The following GRM7 variants were observed in gnomAD, a reference collection of about 807,000 sequenced individuals.
The protein encoded by GRM7 is metabotropic glutamate receptor 7.
GRM7 carries 35 observed loss-of-function variants against 84.5 expected under a neutral mutation model. That is an observed-to-expected ratio of 0.41 (90% confidence interval 0.32 to 0.55). GRM7 has a LOEUF of 0.55. Ranked by LOEUF, GRM7 falls within the 20% of genes least tolerant of loss-of-function variation. The pLI is 0.19. For synonymous variants in GRM7, 487 were observed against 455.1 expected (o/e 1.07, Z -0.89); for missense variants, 1,003 against 1,194.6 (o/e 0.84, Z 2.36).
At chr3:7,175,033 C>G (rs1056156456) in intron 2 of GRM7, among the ~76,000 whole-genome samples, 7 of 152,114 alleles carry the variant, frequency 4.6e-5, no homozygotes, top group Admixed American at 2.0e-4. Context: ...GATTAAGGAG[C>G]GAGATCAGGC....
chr3:7,622,060 C>T (rs17047737), intron 8 of GRM7, among the ~76,000 whole-genome samples: 3,115 of 152,202 alleles, frequency 0.02, 123 homozygotes, highest in African/African-American at 0.07. Flanking sequence ...TTGTCACGGG[C>T]TCAATTTTTC....
chr3:6,954,634 G>C (rs770418348), intron 1 of GRM7, among the ~76,000 whole-genome samples: 1 of 152,144 alleles, frequency 6.6e-6, no homozygotes, highest in African/African-American at 2.4e-5. Flanking sequence ...TACTAGCCCT[G>C]TGAGCTCCAA....
intron 1 of GRM7, among the ~76,000 whole-genome samples, chr3:7,114,244 T>TAA (rs1157230753): frequency 6.6e-6 from 1 of 152,200 alleles, no homozygotes; most frequent in Non-Finnish European, 1.5e-5. Context: ...TCAGGCTACT[T>TAA]AACATTGTAA....
At chr3:7,542,588 G>T (rs540402638) in intron 7 of GRM7, among the ~76,000 whole-genome samples, 2 of 139,224 alleles carry the variant, frequency 1.4e-5, no homozygotes, top group Non-Finnish European at 3.0e-5. Context: ...TCACTCTGTC[G>T]CCAGACTGGA....
chr3:7,732,059 TG>T (rs75008273), intron 9 of GRM7, among the ~76,000 whole-genome samples: 14,378 of 151,914 alleles, frequency 0.095, 1,070 homozygotes, highest in African/African-American at 0.21. Context: ...AGCTTTTTTT[TG>T]TTTGAGACAG....
At chr3:7,513,543 G>A (rs962405002) in intron 7 of GRM7, among the ~76,000 whole-genome samples, 26 of 152,034 alleles carry the variant, frequency 1.7e-4, no homozygotes, top group Non-Finnish European at 4.4e-5. Flanking sequence ...GTGTTTGATA[G>A]CACAATAGGA....
chr3:7,657,722 G>A (rs1286635417), intron 8 of GRM7, among the ~76,000 whole-genome samples: 1 of 152,148 alleles, frequency 6.6e-6, no homozygotes, highest in Non-Finnish European at 1.5e-5. Context: ...GTGGCTGGGA[G>A]GGGAGCAGAA....
At chr3:7,456,421 A>AT (rs2124898974) in intron 6 of GRM7, among the ~76,000 whole-genome samples, 1 of 149,734 alleles carries the variant, frequency 6.7e-6, no homozygotes, top group Non-Finnish European at 1.5e-5. Flanking sequence ...TTAAAACCTC[A>AT]TAATGGTTTA....
chr3:6,945,278 G>A (rs1260730087), intron 1 of GRM7, among the ~76,000 whole-genome samples: 1 of 129,192 alleles, frequency 7.7e-6, no homozygotes, highest in Non-Finnish European at 1.6e-5. Flanking sequence ...TGTTCTCATT[G>A]TTCAATTCCC....
chr3:7,033,767 G>A (rs910416054), intron 1 of GRM7, among the ~76,000 whole-genome samples: 14 of 152,184 alleles, frequency 9.2e-5, no homozygotes, highest in African/African-American at 7.2e-5. Flanking sequence ...TCAAAATCCC[G>A]CATCCTGGGA....
At chr3:6,919,922 A>G (rs1351677050) in intron 1 of GRM7, among the ~76,000 whole-genome samples, 1 of 152,148 alleles carries the variant, frequency 6.6e-6, no homozygotes, top group Non-Finnish European at 1.5e-5. Context: ...CTAGAGGTGA[A>G]GCTTAGTTTC....
At chr3:7,502,217 T>C (rs940217402) in intron 7 of GRM7, among the ~76,000 whole-genome samples, 3 of 151,926 alleles carry the variant, frequency 2.0e-5, no homozygotes, top group Admixed American at 6.6e-5. Flanking sequence ...CAATAAACAG[T>C]CAATAAGTCA....
Position 7,376,354 on chromosome 3 carries a change from C to T in GRM7, c.1034-38669C>T, listed in dbSNP as rs144443191. 5.0e-3 allele frequency among the ~76,000 whole-genome samples: 759 copies of T among 152,300 alleles called. 11 individuals are homozygous for T. The highest frequency in any genetic ancestry group is 0.018 in the African/African-American group (733 of 41,566). On this transcript the variant is annotated intron_variant, in intron 4 of 9. Transcript: ENST00000357716. ...TCTTATAGATGCTATAATCCTCACACCGAGCTGTTCTCCTCGTGAATGCTA... is the reference window on the plus strand; with the variant it reads ...TCTTATAGATGCTATAATCCTCACATCGAGCTGTTCTCCTCGTGAATGCTA...
chr3:7,086,556 A>T (rs909936014), intron 1 of GRM7, among the ~76,000 whole-genome samples: 6 of 152,170 alleles, frequency 3.9e-5, no homozygotes, highest in Non-Finnish European at 7.4e-5. Flanking sequence ...ACTTAGTGAT[A>T]GTTGCTTAAC....
chr3:7,038,041 A>G (rs1283860928), intron 1 of GRM7, among the ~76,000 whole-genome samples: 1 of 152,186 alleles, frequency 6.6e-6, no homozygotes, highest in Non-Finnish European at 1.5e-5. Flanking sequence ...TTCAGTCAAT[A>G]AAAAGGGCAT....
chr3:7,503,588 G>T (rs1379911390), intron 7 of GRM7, among the ~76,000 whole-genome samples: 1 of 152,246 alleles, frequency 6.6e-6, no homozygotes, highest in African/African-American at 2.4e-5. Flanking sequence ...ATTCAGTACA[G>T]AGTGGATCGC....
chr3:7,547,038 G>T (rs1693186032), intron 7 of GRM7, among the ~76,000 whole-genome samples: 1 of 151,922 alleles, frequency 6.6e-6, no homozygotes, highest in Non-Finnish European at 1.5e-5. Flanking sequence ...AACGCAATCT[G>T]AATCCTACAG....
At chr3:7,550,336 T>C in intron 7 of GRM7, among the ~76,000 whole-genome samples, 1 of 125,524 alleles carries the variant, frequency 8.0e-6, no homozygotes, top group Non-Finnish European at 1.6e-5. Context: ...CCCTTTCACC[T>C]TCCCTCCTCC....
chr3:7,612,783 G>C (rs747526492), intron 8 of GRM7, among the ~76,000 whole-genome samples: 5 of 152,088 alleles, frequency 3.3e-5, no homozygotes, highest in Non-Finnish European at 5.9e-5. Context: ...AAGTGATTTG[G>C]GCACCAAGGA....
Sources: gnomAD v4.1 joint callset for allele counts (sites outside exome capture counted in the v4.1 genomes callset) on GRCh38, gnomAD v4.1.1 for gene constraint, MANE v1.5 for transcripts, NCBI Gene and HGNC (gene_info 2026-07-23, HGNC 2026-07-21) for gene names.